The following KCNS3 variants were observed in gnomAD, a reference collection of about 807,000 sequenced individuals.
KCNS3 encodes the protein potassium voltage-gated channel modifier subfamily S member 3, also known as delayed-rectifier potassium channel regulatory subunit KCNS3.
Under a neutral mutation model 31.0 loss-of-function variants are expected in KCNS3, and 13 were observed. That is an observed-to-expected ratio of 0.42 (90% CI 0.27 to 0.67). The LOEUF is 0.67. Among genes scored for constraint, KCNS3 ranks in the 30% least tolerant of loss-of-function variants. The pLI is 0.25. For synonymous variants in KCNS3, 238 were observed against 241.5 expected (o/e 0.99, Z 0.13); for missense variants, 545 against 622.4 (o/e 0.88, Z 1.32).
chr2:17,900,161 T>C (rs572663121), intron 1 of KCNS3, among the ~76,000 whole-genome samples: 3 of 152,306 alleles, frequency 2.0e-5, no homozygotes, highest in Non-Finnish European at 4.4e-5. Flanking sequence ...AAAAAGATTG[T>C]TTGCTTATTC....
chr2:17,907,664 A>G (rs187537160), intron 1 of KCNS3, among the ~76,000 whole-genome samples: 161 of 152,236 alleles, frequency 1.1e-3, no homozygotes, highest in Non-Finnish European at 1.7e-3. Context: ...GGTGGTGACA[A>G]AATCTCTCAG....
chr2:17,899,690 C>T (rs1662121966), intron 1 of KCNS3, among the ~76,000 whole-genome samples: 1 of 152,172 alleles, frequency 6.6e-6, no homozygotes, highest in African/African-American at 2.4e-5. Flanking sequence ...CAAATAGTGC[C>T]TGGCACAAAG....
intron 1 of KCNS3, among the ~76,000 whole-genome samples, chr2:17,899,166 C>A (rs1662102169): frequency 6.6e-6 from 1 of 152,052 alleles, no homozygotes; most frequent in Non-Finnish European, 1.5e-5. Context: ...GTGGAGGTTT[C>A]AGTGAGCCGA....
At position 17,886,874 on chromosome 2, in the gene KCNS3, G is replaced by A. The variant is rs1009221994; in HGVS notation, c.-252+8068G>A. On this transcript the variant is annotated intron_variant, in intron 1 of 2. Coordinates refer to ENST00000304101, the MANE Select transcript of KCNS3 (RefSeq NM_002252.5). The stretch of plus-strand genomic sequence containing the variant: ...CTCCTTAAATCACAATTCCTACAAA[G>A]TAGGCTCTTTTAAGATGTGAACATA... 5.9e-5 allele frequency among the ~76,000 whole-genome samples: 9 copies of A among 152,218 alleles called. No individual in the cohort carries two copies. In the East Asian group the frequency reaches 9.7e-4, roughly 16 times the overall value.
intron 1 of KCNS3, among the ~76,000 whole-genome samples, chr2:17,881,749 T>G (rs1370362326): frequency 1.3e-5 from 2 of 152,330 alleles, no homozygotes; most frequent in South Asian, 2.1e-4. Flanking sequence ...CACTGTTCCC[T>G]GTGCTTAGTG....
intron 1 of KCNS3, among the ~76,000 whole-genome samples, chr2:17,913,945 C>G (rs1445956921): frequency 6.6e-6 from 1 of 152,108 alleles, no homozygotes; most frequent in Non-Finnish European, 1.5e-5. Context: ...CCCACAATGT[C>G]AATAGTGCCG....
intron 1 of KCNS3, among the ~76,000 whole-genome samples, chr2:17,911,343 T>C (rs7587589): frequency 0.92 from 139,275 of 152,010 alleles, 63,987 homozygotes; most frequent in East Asian, 0.99. Context: ...TGAATAGCAT[T>C]AGCTCAGGAT....
chr2:17,908,763 T>C (rs2125244326), intron 1 of KCNS3, among the ~76,000 whole-genome samples: 1 of 152,346 alleles, frequency 6.6e-6, no homozygotes, highest in Admixed American at 6.5e-5. Flanking sequence ...CCGTGGAGGC[T>C]GCAGAACAGC....
intron 1 of KCNS3, among the ~76,000 whole-genome samples, chr2:17,894,001 T>C (rs561566590): frequency 2.2e-4 from 32 of 143,404 alleles, no homozygotes; most frequent in African/African-American, 7.9e-4. Flanking sequence ...AAGTAAAGAG[T>C]ACAGGATGGA....
At chr2:17,903,458 A>G (rs1045564301) in intron 1 of KCNS3, among the ~76,000 whole-genome samples, 3 of 152,060 alleles carry the variant, frequency 2.0e-5, no homozygotes, top group South Asian at 2.1e-4. Flanking sequence ...ATTTTATTTT[A>G]TTTTATTTTT....
intron 1 of KCNS3, among the ~76,000 whole-genome samples, chr2:17,911,683 T>G (rs370732067): frequency 2.0e-4 from 31 of 152,226 alleles, no homozygotes; most frequent in African/African-American, 7.0e-4. Flanking sequence ...GATCATGCTA[T>G]ATATTGCGTC....
chr2:17,878,570 G>T (rs1292822656), upstream of KCNS3: 1 of 148,746 alleles, frequency 6.7e-6, no homozygotes, highest in Non-Finnish European at 1.5e-5. Flanking sequence ...CGACCAATGG[G>T]GCGGCGGCCG....
chr2:17,907,527 G>A (rs183366042), intron 1 of KCNS3, among the ~76,000 whole-genome samples: 1 of 152,128 alleles, frequency 6.6e-6, no homozygotes, highest in Non-Finnish European at 1.5e-5. Context: ...TATTTTGCTC[G>A]TTAGTTGATG....
At position 17,878,720 on chromosome 2, in the gene KCNS3, G is replaced by C. The variant is rs1181554755; in HGVS notation, c.-338G>C. 1 of 151,022 alleles carries C rather than the reference G, an allele frequency of 6.6e-6. No homozygotes were observed. Among genetic ancestry groups the C allele is most frequent in the Non-Finnish European group, 1.5e-5 (1 of 67,618 alleles). The allele number at this position is 151,022 out of a possible 1,614,324, so 9.4% of individuals were successfully genotyped here. A position where few individuals can be genotyped will look rare whatever the true frequency, so the allele number is the denominator to read the frequency against. On this transcript the variant is annotated 5_prime_UTR_variant, in exon 1 of 3. Coordinates refer to ENST00000304101, the MANE Select transcript of KCNS3 (RefSeq NM_002252.5). ...TCCTCGCCGCCGCGGCGGCAGGCGC[G>C]GGGCCGCGCCGCGAGGCCTGATCCC... is the stretch of plus-strand genomic sequence containing the variant.
intron 2 of KCNS3, among the ~76,000 whole-genome samples, chr2:17,922,250 G>A (rs978007856): frequency 6.6e-6 from 1 of 151,068 alleles, no homozygotes; most frequent in East Asian, 1.9e-4. Flanking sequence ...CTTTTTATCC[G>A]GATTTTATCA....
At chr2:17,894,513 C>T (rs972923740) in intron 1 of KCNS3, among the ~76,000 whole-genome samples, 5 of 152,214 alleles carry the variant, frequency 3.3e-5, no homozygotes, top group Admixed American at 6.5e-5. Context: ...CTGTGACCTT[C>T]TTCAGATACC....
At chr2:17,883,856 C>G (rs545933218) in intron 1 of KCNS3, among the ~76,000 whole-genome samples, 1 of 152,014 alleles carries the variant, frequency 6.6e-6, no homozygotes, top group South Asian at 2.1e-4. Context: ...GGAAACAACC[C>G]AAATGTCCAA....
chr2:17,931,314 G>A lies in KCNS3; in HGVS notation c.306G>A (p.Glu102=). The A allele has an allele frequency of 1.5e-5, 24 of 1,614,200 alleles. No individual in the cohort carries two copies. The highest frequency in any genetic ancestry group is 2.7e-5 in the African/African-American group (2 of 75,048). Residue 102 remains glutamate, a synonymous_variant, in exon 3 of 3, where the codon GAG becomes GAA. Coordinates refer to ENST00000304101, the MANE Select transcript of KCNS3 (RefSeq NM_002252.5). This position sits in a 1 kb window ranked among gnomAD's most constrained non-coding sequence, Gnocchi z 5.4. ...TGTGCGTATTCTCATTCTGCCAGGA[G>A]ATCGAGTACTGGGGCATCAACGAGC... ...EELCVFSFCQ[E]IEYWGINELF... is the part of the protein sequence containing the mutation.
chr2:17,888,482 A>T (rs1375955196), intron 1 of KCNS3, among the ~76,000 whole-genome samples: 1 of 150,654 alleles, frequency 6.6e-6, no homozygotes, highest in Non-Finnish European at 1.5e-5. Context: ...GAGTGGGGGG[A>T]GAGGGGAGGG....
Sources: gnomAD v4.1 joint callset for allele counts (sites outside exome capture counted in the v4.1 genomes callset) on GRCh38, gnomAD v4.1.1 for gene constraint, Gnocchi (gnomAD v3.1) non-coding constraint, MANE v1.5 for transcripts, NCBI Gene and HGNC (gene_info 2026-07-23, HGNC 2026-07-21) for gene names.